Variants in MKX observed in about 807,000 individuals in gnomAD.
MKX encodes mohawk homeobox.
Under a neutral mutation model 36.0 loss-of-function variants are expected in MKX, and 13 were observed. The ratio of observed to expected loss-of-function variants is 0.36; its 90% confidence interval spans 0.24 to 0.57. The LOEUF (loss-of-function observed/expected upper bound fraction) is 0.57. Ranked by LOEUF, MKX falls within the 20% of genes least tolerant of loss-of-function variation. The pLI, the probability that MKX is intolerant of heterozygous loss-of-function variation, is 0.79. For synonymous variants in MKX, 176 were observed against 178.3 expected (o/e 0.99, Z 0.10); for missense variants, 458 against 456.4 (o/e 1.00, Z -0.03).
chr10:27,711,502 CCT>C (rs1388946789), intron 5 of MKX, among the ~76,000 whole-genome samples: 2,049 of 52,416 alleles, frequency 0.039, 108 homozygotes, highest in African/African-American at 0.18. Flanking sequence ...TCTCTTCTTT[CCT>C]TCCTTCCTTC....
In MKX at chr10:27,674,682, C is replaced by T. The variant is rs187855833; in HGVS notation, c.*547G>A. 1 of 152,368 alleles carries T rather than the reference C, an allele frequency of 6.6e-6. No homozygotes were observed. Among genetic ancestry groups the T allele is most frequent in the Admixed American group, 6.5e-5 (1 of 15,298 alleles). The allele number at this position is 152,368 out of a possible 1,614,324, so 9.4% of individuals were successfully genotyped here. The stretch of plus-strand genomic sequence containing the variant: ...GTTTGTAACATATCAAATATGCAGG[C>T]AAGATACATGCATAAAATTCTCACC... On this transcript the variant is annotated 3_prime_UTR_variant, in exon 7 of 7. Coordinates refer to ENST00000419761, the MANE Select transcript of MKX (RefSeq NM_173576.3).
At chr10:27,682,515 G>A (rs1836271396) in intron 5 of MKX, among the ~76,000 whole-genome samples, 1 of 152,150 alleles carries the variant, frequency 6.6e-6, no homozygotes, top group Non-Finnish European at 1.5e-5. Context: ...TTCATGGTAA[G>A]TGCCTTACAC....
intron 5 of MKX, among the ~76,000 whole-genome samples, chr10:27,686,155 G>A (rs1487466041): frequency 3.3e-5 from 5 of 152,118 alleles, no homozygotes; most frequent in Non-Finnish European, 5.9e-5. Context: ...TCTGGAGATA[G>A]GAGAGCTTTG....
intron 5 of MKX, among the ~76,000 whole-genome samples, chr10:27,694,256 GA>G (rs1221087662): frequency 6.6e-6 from 1 of 152,074 alleles, no homozygotes; most frequent in East Asian, 1.9e-4. Flanking sequence ...GAAATAGAGG[GA>G]AAGGCAGAAA....
intron 5 of MKX, among the ~76,000 whole-genome samples, chr10:27,693,085 A>G (rs1836483845): frequency 6.6e-6 from 1 of 152,180 alleles, no homozygotes; most frequent in Admixed American, 6.5e-5. Context: ...AGCTTCTGGA[A>G]CCATAGGGCT....
At chr10:27,743,549 C>G in intron 1 of MKX, 52 bp from the exon 2 acceptor site, 2 of 1,000,694 alleles carry the variant, frequency 2.0e-6, no homozygotes, top group Non-Finnish European at 2.8e-6. Context: ...TGCTCAGACC[C>G]CTGCAGGTTC....
At chr10:27,679,792 A>C (rs1836220833) in intron 5 of MKX, among the ~76,000 whole-genome samples, 1 of 151,892 alleles carries the variant, frequency 6.6e-6, no homozygotes, top group Non-Finnish European at 1.5e-5. Flanking sequence ...CATTATACTA[A>C]CTGGTTGTAT....
At chr10:27,690,553 A>C (rs756433897) in intron 5 of MKX, among the ~76,000 whole-genome samples, 4 of 152,186 alleles carry the variant, frequency 2.6e-5, no homozygotes, top group Non-Finnish European at 4.4e-5. Flanking sequence ...TACACACACT[A>C]TATCTAGGTT....
intron 5 of MKX, among the ~76,000 whole-genome samples, chr10:27,718,207 G>A (rs1466369559): frequency 6.6e-6 from 1 of 151,902 alleles, no homozygotes. Flanking sequence ...TTATTACTAA[G>A]AAGAAGAAGA....
intron 5 of MKX, among the ~76,000 whole-genome samples, chr10:27,723,939 G>A (rs1171536602): frequency 6.6e-6 from 1 of 152,166 alleles, no homozygotes; most frequent in Non-Finnish European, 1.5e-5. Flanking sequence ...GCAACTATGT[G>A]AAAACTTAAG....
intron 5 of MKX, among the ~76,000 whole-genome samples, chr10:27,678,823 G>A (rs775452472): frequency 2.0e-5 from 3 of 152,104 alleles, no homozygotes; most frequent in African/African-American, 4.8e-5. Context: ...TGAGAAACAC[G>A]TTTACTGCAG....
chr10:27,704,437 T>A (rs2132532016), intron 5 of MKX, among the ~76,000 whole-genome samples: 1 of 152,082 alleles, frequency 6.6e-6, no homozygotes, highest in East Asian at 1.9e-4. Context: ...AAACATATCC[T>A]AAAACCTCCA....
chr10:27,742,551 C>T lies in MKX; in HGVS notation c.188+677G>A, dbSNP rs930580006. 6.6e-5 allele frequency among the ~76,000 whole-genome samples: 10 copies of T among 152,002 alleles called. No homozygotes were observed. The highest frequency in any genetic ancestry group is 1.3e-4 in the Non-Finnish European group (9 of 67,936). ...CGGGGCGCCCGGGGAGCCGCCGGAT[C>T]GGGCCAGGCAGAGCCTGCCCTCCAC... On this transcript the variant is annotated intron_variant, in intron 2 of 6. Transcript: ENST00000419761. This position sits in a 1 kb window ranked among gnomAD's most constrained non-coding sequence, Gnocchi z 4.2.
At chr10:27,684,442 T>C (rs1836307576) in intron 5 of MKX, among the ~76,000 whole-genome samples, 2 of 152,184 alleles carry the variant, frequency 1.3e-5, no homozygotes, top group South Asian at 2.1e-4. Flanking sequence ...AAGTGTAAAA[T>C]AGAAAATAAG....
chr10:27,726,253 G>A (rs1834486316), intron 5 of MKX, among the ~76,000 whole-genome samples: 1 of 152,170 alleles, frequency 6.6e-6, no homozygotes, highest in Non-Finnish European at 1.5e-5. Context: ...CTTGCACATG[G>A]AGGAGAGAGA....
At chr10:27,716,633 A>G (rs1836969857) in intron 5 of MKX, among the ~76,000 whole-genome samples, 2 of 152,144 alleles carry the variant, frequency 1.3e-5, no homozygotes, top group African/African-American at 4.8e-5. Context: ...ACAGGATTTG[A>G]TTACTCCATT....
At chr10:27,745,676 C>G (rs1835040063) in intron 1 of MKX, 31 bp downstream of exon 1, 1 of 152,398 alleles carries the variant, frequency 6.6e-6, no homozygotes, top group African/African-American at 2.4e-5. Flanking sequence ...CCGCCGCAGC[C>G]GGCTGAGACT....
chr10:27,694,497 A>C (rs1836512991), intron 5 of MKX, among the ~76,000 whole-genome samples: 1 of 131,516 alleles, frequency 7.6e-6, no homozygotes, highest in African/African-American at 2.9e-5. Context: ...TGGCTAACAC[A>C]GCGAAACCCC....
At position 27,742,022 on chromosome 10, in the gene MKX, C is replaced by T. The variant is rs1188450470; in HGVS notation, c.189-518G>A. Among the ~76,000 whole-genome samples, 1 of 152,218 alleles carries T rather than the reference C, an allele frequency of 6.6e-6. No homozygotes were observed. Among genetic ancestry groups the T allele is most frequent in the East Asian group, 1.9e-4 (1 of 5,184 alleles). On this transcript the variant is annotated intron_variant, in intron 2 of 6. Coordinates refer to ENST00000419761, the MANE Select transcript of MKX (RefSeq NM_173576.3). The surrounding 1 kb of genome is among the most constrained non-coding windows in gnomAD (Gnocchi z 4.2). ...AATAAAGCAAAGGAGCATTGCCGCC[C>T]CGGCTCTCTTTAAGCTATTTCCTTT... is the stretch of plus-strand genomic sequence containing the variant.
Sources: allele counts gnomAD v4.1 joint callset (sites outside exome capture counted in the v4.1 genomes callset), GRCh38; gene constraint gnomAD v4.1.1; non-coding constraint Gnocchi (gnomAD v3.1); transcripts MANE v1.5; gene names NCBI Gene and HGNC (gene_info 2026-07-23, HGNC 2026-07-21).